The following MSRA variants were observed in gnomAD, a reference collection of about 807,000 sequenced individuals.
MSRA encodes mitochondrial peptide methionine sulfoxide reductase.
A neutral mutation model predicts 31.3 loss-of-function variants in MSRA; 54 were observed. The ratio of observed to expected loss-of-function variants is 1.73; its 90% CI spans 1.39 to 2.17. The LOEUF (loss-of-function observed/expected upper bound fraction) is 2.17, where lower values mean the gene tolerates loss of function less well. MSRA is among the 30% of genes most tolerant of loss of function. The pLI, the probability that MSRA is intolerant of heterozygous loss-of-function variation, is 0.00. For synonymous variants in MSRA, 169 were observed against 116.5 expected (o/e 1.45, Z -2.90); for missense variants, 507 against 300.9 (o/e 1.69, Z -5.07).
At chr8:10,172,142 C>T (rs531788111) in intron 1 of MSRA, among the ~76,000 whole-genome samples, 4 of 152,278 alleles carry the variant, frequency 2.6e-5, no homozygotes, top group South Asian at 2.1e-4. Context: ...GATGCATGCT[C>T]CCTCCATGCC....
intron 5 of MSRA, among the ~76,000 whole-genome samples, chr8:10,426,630 G>A (rs1809183022): frequency 6.6e-6 from 1 of 152,254 alleles, no homozygotes; most frequent in Non-Finnish European, 1.5e-5. Context: ...TCTGGGGAAT[G>A]CAGTCTGCGA....
At chr8:10,269,493 C>T (rs1379701360) in intron 3 of MSRA, among the ~76,000 whole-genome samples, 1 of 152,194 alleles carries the variant, frequency 6.6e-6, no homozygotes, top group East Asian at 1.9e-4. Flanking sequence ...CTGGCTGCAC[C>T]AGGCATAGGT....
At chr8:10,212,400 A>C (rs997443689) in intron 2 of MSRA, among the ~76,000 whole-genome samples, 12 of 152,314 alleles carry the variant, frequency 7.9e-5, no homozygotes, top group African/African-American at 2.6e-4. Context: ...TAATAAATAC[A>C]CACCAAGTTA....
At chr8:10,278,163 G>C (rs2975651) in intron 3 of MSRA, among the ~76,000 whole-genome samples, 1 of 152,186 alleles carries the variant, frequency 6.6e-6, no homozygotes, top group African/African-American at 2.4e-5. Context: ...GGACTGAGAA[G>C]AGCCTGGGTT....
intron 1 of MSRA, among the ~76,000 whole-genome samples, chr8:10,165,753 A>G (rs953416817): frequency 3.0e-4 from 46 of 152,288 alleles, no homozygotes; most frequent in African/African-American, 8.7e-4. Flanking sequence ...CCATCTGCCA[A>G]TTGGAGGCAT....
intron 4 of MSRA, among the ~76,000 whole-genome samples, chr8:10,306,951 C>A (rs1016853255): frequency 6.6e-6 from 1 of 152,156 alleles, no homozygotes; most frequent in African/African-American, 2.4e-5. Context: ...TTTCATAATC[C>A]TAATTGCATT....
chr8:10,344,355 C>G (rs1233346113), intron 5 of MSRA, among the ~76,000 whole-genome samples: 1 of 151,580 alleles, frequency 6.6e-6, no homozygotes, highest in African/African-American at 2.4e-5. Flanking sequence ...GCAGGTGGAT[C>G]ACAAGGTCAG....
chr8:10,158,157 C>G (rs1415374352), intron 1 of MSRA, among the ~76,000 whole-genome samples: 1 of 152,204 alleles, frequency 6.6e-6, no homozygotes, highest in Non-Finnish European at 1.5e-5. Context: ...GCCCCATCCT[C>G]ATGACTGACT....
intron 2 of MSRA, among the ~76,000 whole-genome samples, chr8:10,232,208 C>T (rs1367222172): frequency 2.6e-5 from 4 of 152,204 alleles, no homozygotes; most frequent in Non-Finnish European, 5.9e-5. Flanking sequence ...GGATAAGACA[C>T]TGAAGGAACA....
At chr8:10,251,865 G>GC (rs879762676) in intron 3 of MSRA, among the ~76,000 whole-genome samples, 3 of 151,740 alleles carry the variant, frequency 2.0e-5, no homozygotes, top group Non-Finnish European at 4.4e-5. Context: ...ACATGGTGGG[G>GC]GGGGGGGGAC....
At position 10,338,805 on chromosome 8, in the gene MSRA, T is replaced by C. The variant is rs533004362; in HGVS notation, c.543+18816T>C. ...GATTCATACAACTTCAGACAAATAA[T>C]TTCCTAACCTGCAAAACTGAGCTAG... is the stretch of plus-strand genomic sequence containing the variant. On this transcript the variant is annotated intron_variant, in intron 5 of 5. Transcript: ENST00000317173. Among the ~76,000 whole-genome samples, 3 of 152,316 alleles carry C rather than the reference T, an allele frequency of 2.0e-5. No individual in the cohort carries two copies. In the South Asian group the frequency reaches 6.2e-4, roughly 32 times the overall value.
intron 1 of MSRA, among the ~76,000 whole-genome samples, chr8:10,166,915 G>A (rs547256575): frequency 3.9e-5 from 6 of 152,262 alleles, no homozygotes; most frequent in African/African-American, 1.4e-4. Flanking sequence ...CTCTGCTCGG[G>A]AGCCATGATG....
chr8:10,133,768 A>T (rs1193352870), intron 1 of MSRA, among the ~76,000 whole-genome samples: 1 of 152,116 alleles, frequency 6.6e-6, no homozygotes, highest in Non-Finnish European at 1.5e-5. Context: ...CTGAACCTTA[A>T]CAGGATATTA....
At chr8:10,221,084 C>T (rs978161040) in intron 2 of MSRA, among the ~76,000 whole-genome samples, 19 of 152,300 alleles carry the variant, frequency 1.2e-4, no homozygotes, top group African/African-American at 3.8e-4. Flanking sequence ...ATGGGGAAAG[C>T]CCAATAGCAT....
At chr8:10,424,735 C>T (rs1464002670) in intron 5 of MSRA, among the ~76,000 whole-genome samples, 1 of 152,182 alleles carries the variant, frequency 6.6e-6, no homozygotes, top group Non-Finnish European at 1.5e-5. Flanking sequence ...AGGGAGAGGC[C>T]CCCTCCTGGG....
intron 1 of MSRA, among the ~76,000 whole-genome samples, chr8:10,201,897 G>A (rs1808534078): frequency 6.6e-6 from 1 of 152,226 alleles, no homozygotes; most frequent in South Asian, 2.1e-4. Context: ...CAGAGCATGT[G>A]GCTTTGGCAT....
At chr8:10,349,079 G>T (rs766368647) in intron 5 of MSRA, among the ~76,000 whole-genome samples, 2 of 152,114 alleles carry the variant, frequency 1.3e-5, no homozygotes, top group East Asian at 3.8e-4. Context: ...AATCATATGC[G>T]ATACATCTAT....
intron 1 of MSRA, among the ~76,000 whole-genome samples, chr8:10,119,162 C>T (rs932328217): frequency 6.6e-6 from 1 of 152,216 alleles, no homozygotes; most frequent in Non-Finnish European, 1.5e-5. Flanking sequence ...CAAGAACTCT[C>T]TAAACATGTG....
At chr8:10,177,633 C>G (rs116970488) in intron 1 of MSRA, among the ~76,000 whole-genome samples, 1,959 of 152,280 alleles carry the variant, frequency 0.013, 20 homozygotes, top group Middle Eastern at 0.034. Context: ...GTTTTGGTGA[C>G]ATGATGTATA....
Sources: allele counts gnomAD v4.1 joint callset (sites outside exome capture counted in the v4.1 genomes callset), GRCh38; gene constraint gnomAD v4.1.1; transcripts MANE v1.5; gene names NCBI Gene and HGNC (gene_info 2026-07-23, HGNC 2026-07-21).